The following SPOCK3 variants were observed in gnomAD, a reference collection of about 807,000 sequenced individuals.
The protein encoded by SPOCK3 is SPARC (osteonectin), cwcv and kazal like domains proteoglycan 3.
Under a neutral mutation model 56.6 loss-of-function variants are expected in SPOCK3, and 30 were observed. The ratio of observed to expected loss-of-function variants is 0.53; its 90% CI spans 0.40 to 0.72. The LOEUF (loss-of-function observed/expected upper bound fraction) is 0.72. Among genes scored for constraint, SPOCK3 ranks in the 30% least tolerant of loss-of-function variants. The pLI, the probability that SPOCK3 is intolerant of heterozygous loss-of-function variation, is 0.00. For synonymous variants in SPOCK3, 196 were observed against 183.3 expected, an observed-to-expected ratio of 1.07 and a Z score of -0.56; for missense variants, 527 against 530.0, an observed-to-expected ratio of 0.99 and a Z score of 0.06.
At chr4:166,804,005 A>G (rs41369447) in intron 6 of SPOCK3, among the ~76,000 whole-genome samples, 28,893 of 152,116 alleles carry the variant, frequency 0.19, 3,111 homozygotes, top group African/African-American at 0.29. Context: ...GAAAGAAAGA[A>G]GGGTTCACTA....
At chr4:166,949,636 C>T (rs960737868) in intron 4 of SPOCK3, among the ~76,000 whole-genome samples, 22 of 152,042 alleles carry the variant, frequency 1.4e-4, no homozygotes, top group Non-Finnish European at 2.2e-4. Context: ...GTATCCACAG[C>T]GGTGTTTGCA....
At chr4:166,920,151 C>T (rs1348933214) in intron 4 of SPOCK3, among the ~76,000 whole-genome samples, 1 of 152,048 alleles carries the variant, frequency 6.6e-6, no homozygotes, top group African/African-American at 2.4e-5. Flanking sequence ...TTTATGTTTC[C>T]TACCATAAGC....
intron 6 of SPOCK3, among the ~76,000 whole-genome samples, chr4:166,814,268 A>T (rs1744161975): frequency 6.6e-6 from 1 of 152,062 alleles, no homozygotes; most frequent in Non-Finnish European, 1.5e-5. Context: ...ATCTTAAAAA[A>T]TCCTTAAAAG....
chr4:167,092,558 G>A (rs1037026697), intron 2 of SPOCK3, among the ~76,000 whole-genome samples: 2 of 152,034 alleles, frequency 1.3e-5, no homozygotes, highest in African/African-American at 4.8e-5. Context: ...TACATTCTTC[G>A]TAGAAATTGA....
At chr4:167,141,941 T>C (rs527643275) in intron 2 of SPOCK3, among the ~76,000 whole-genome samples, 1 of 152,098 alleles carries the variant, frequency 6.6e-6, no homozygotes, top group Admixed American at 6.6e-5. Flanking sequence ...AATAAGCTTA[T>C]TTGCAAAGGA....
rs1157285399 is a variant in SPOCK3 at position 166,735,043 on chromosome 4, C to T, written c.1180G>A (p.Glu394Lys). The change falls in exon 11 of 11, where the codon GAA becomes AAA. Residue 394 changes from glutamate (E) to lysine (K), a missense_variant. By Grantham distance (56) the Glu-to-Lys change is moderately conservative (BLOSUM62 1). Transcript: ENST00000357545. ...TCATCATCCTCATCATCAGTCCATTCATGAAAATCGCCACTAGCAAAATCT... is the reference window on the plus strand; with the variant it reads ...TCATCATCCTCATCATCAGTCCATTTATGAAAATCGCCACTAGCAAAATCT... ...SGDFASGDFH[E>K]WTDDEDDEDD... The T allele has an allele frequency of 6.2e-7, 1 of 1,600,906 alleles. No homozygotes were observed. Among genetic ancestry groups the T allele is most frequent in the South Asian group, 1.1e-5 (1 of 90,036 alleles).
chr4:166,830,134 T>TAA (rs1745885167), intron 6 of SPOCK3, among the ~76,000 whole-genome samples: 1 of 152,158 alleles, frequency 6.6e-6, no homozygotes, highest in African/African-American at 2.4e-5. Context: ...TTCTACTCTA[T>TAA]GGTTTGCGTA....
intron 4 of SPOCK3, chr4:166,918,520 T>A (rs1561008354): frequency 6.6e-6 from 1 of 152,150 alleles, no homozygotes; most frequent in Admixed American, 6.5e-5. Context: ...AAAATACTAT[T>A]AACAATGTTG....
intron 7 of SPOCK3, among the ~76,000 whole-genome samples, chr4:166,786,848 T>C (rs192466040): frequency 6.6e-6 from 1 of 150,550 alleles, no homozygotes; most frequent in African/African-American, 2.4e-5. Context: ...TGCCCTATAT[T>C]TGGGGTTGGA....
intron 5 of SPOCK3, among the ~76,000 whole-genome samples, chr4:166,898,311 T>C (rs995702297): frequency 1.3e-5 from 2 of 151,798 alleles, no homozygotes; most frequent in African/African-American, 4.8e-5. Context: ...GGAGGAAGGG[T>C]TGTTATCTTG....
intron 6 of SPOCK3, among the ~76,000 whole-genome samples, chr4:166,806,049 T>C (rs1743129102): frequency 6.6e-6 from 1 of 152,090 alleles, no homozygotes; most frequent in Non-Finnish European, 1.5e-5. Flanking sequence ...AGAAAAGTAA[T>C]GTTATTTAAA....
At chr4:167,201,455 C>G (rs910450834) in intron 2 of SPOCK3, among the ~76,000 whole-genome samples, 6 of 151,836 alleles carry the variant, frequency 4.0e-5, no homozygotes, top group Non-Finnish European at 5.9e-5. Flanking sequence ...TCATATCATC[C>G]TTAATATATC....
intron 5 of SPOCK3, among the ~76,000 whole-genome samples, chr4:166,893,201 T>C (rs897335656): frequency 6.6e-6 from 1 of 152,136 alleles, no homozygotes; most frequent in Non-Finnish European, 1.5e-5. Context: ...CAACAGTGCC[T>C]AGACTGAGAA....
At chr4:167,167,250 T>C (rs1396963510) in intron 2 of SPOCK3, among the ~76,000 whole-genome samples, 1 of 152,146 alleles carries the variant, frequency 6.6e-6, no homozygotes, top group Non-Finnish European at 1.5e-5. Flanking sequence ...ATTTGAATTT[T>C]TAAAAAATAG....
At chr4:166,843,626 C>G (rs557719069) in intron 6 of SPOCK3, among the ~76,000 whole-genome samples, 3 of 152,154 alleles carry the variant, frequency 2.0e-5, no homozygotes, top group Non-Finnish European at 4.4e-5. Context: ...GACTCCCACA[C>G]GACCCTAGCC....
chr4:167,039,783 T>C (rs1486188687), intron 3 of SPOCK3, among the ~76,000 whole-genome samples: 4 of 152,188 alleles, frequency 2.6e-5, no homozygotes, highest in Admixed American at 6.5e-5. Context: ...GTATTTTAAA[T>C]GTATAGCGAA....
At chr4:167,076,068 T>A (rs28594647) in intron 2 of SPOCK3, among the ~76,000 whole-genome samples, 11,311 of 151,950 alleles carry the variant, frequency 0.074, 559 homozygotes, top group African/African-American at 0.14. Context: ...GTATACTGTA[T>A]TATTCCAACT....
At chr4:167,225,765 G>A (rs992348196) in intron 2 of SPOCK3, among the ~76,000 whole-genome samples, 5 of 148,724 alleles carry the variant, frequency 3.4e-5, no homozygotes, top group African/African-American at 5.0e-5. Flanking sequence ...CAGTAATCTC[G>A]CATGTTAAGA....
At chr4:166,787,489 AATAT>A (rs1740855969) in intron 7 of SPOCK3, among the ~76,000 whole-genome samples, 1 of 152,194 alleles carries the variant, frequency 6.6e-6, no homozygotes, top group Non-Finnish European at 1.5e-5. Context: ...ACTATTCAAG[AATAT>A]ATAGTTCTAT....
Sources: gnomAD v4.1 joint callset for allele counts (sites outside exome capture counted in the v4.1 genomes callset) on GRCh38, gnomAD v4.1.1 for gene constraint, MANE v1.5 for transcripts, NCBI Gene and HGNC (gene_info 2026-07-23, HGNC 2026-07-21) for gene names.